The following MLPH variants were observed in gnomAD, a reference collection of about 807,000 sequenced individuals.
MLPH encodes melanophilin.
Under a neutral mutation model 72.1 loss-of-function variants are expected in MLPH, and 51 were observed. The ratio of observed to expected loss-of-function variants is 0.71; its 90% CI spans 0.56 to 0.89. MLPH has a LOEUF of 0.89. MLPH is among the 40% of genes least tolerant of loss of function. The pLI is 0.00. For missense variants in MLPH, 743 were observed against 759.9 expected (o/e 0.98, Z 0.26); for synonymous variants, 301 against 310.1 (o/e 0.97, Z 0.31).
chr2:237,492,459 C>T (rs1178835251), intron 1 of MLPH, among the ~76,000 whole-genome samples: 3 of 137,844 alleles, frequency 2.2e-5, no homozygotes, highest in African/African-American at 8.5e-5. Context: ...GAGAACTCGT[C>T]TCTAAAAAAA....
At position 237,527,528 on chromosome 2, in the gene MLPH, T is replaced by A. The variant is rs1197828275; in HGVS notation, c.1020+12T>A. 1 of 1,614,110 alleles carries A rather than the reference T, an allele frequency of 6.2e-7. No homozygotes were observed. Among genetic ancestry groups the A allele is most frequent in the Non-Finnish European group, 8.5e-7 (1 of 1,180,028 alleles). ...CTTCTGAGAGTCAGGTAACGGTGGCTGGAAAGACTTCTGTCTTGTCGTTTC... is the reference window on the plus strand; with the variant it reads ...CTTCTGAGAGTCAGGTAACGGTGGCAGGAAAGACTTCTGTCTTGTCGTTTC... On this transcript the variant is annotated intron_variant, in intron 8 of 15. Coordinates refer to ENST00000264605, the MANE Select transcript of MLPH (RefSeq NM_024101.7).
intron 5 of MLPH, among the ~76,000 whole-genome samples, chr2:237,519,543 G>T (rs10184904): frequency 4.6e-5 from 7 of 152,068 alleles, no homozygotes; most frequent in East Asian, 1.9e-4. Context: ...ATCGTGCCCC[G>T]GCTATCCGAA....
At chr2:237,514,843 T>C (rs1047223601) in intron 4 of MLPH, among the ~76,000 whole-genome samples, 1 of 152,176 alleles carries the variant, frequency 6.6e-6, no homozygotes, top group African/African-American at 2.4e-5. Context: ...ACTGAGGCCC[T>C]CTGAGCCCAG....
At chr2:237,550,020 G>A (rs1427782317) in intron 14 of MLPH, among the ~76,000 whole-genome samples, 1 of 152,216 alleles carries the variant, frequency 6.6e-6, no homozygotes, top group Non-Finnish European at 1.5e-5. Context: ...TTGGCCATTT[G>A]TCACACACTG....
In MLPH at chr2:237,540,870, G is replaced by A. The variant is rs1171537328; in HGVS notation, c.1359G>A (p.Gln453=). 2.5e-6 allele frequency: 4 copies of A among 1,613,252 alleles called. No individual in the cohort carries two copies. The highest frequency in any genetic ancestry group is 3.4e-6 in the Non-Finnish European group (4 of 1,179,956). ...CCCAGGACCCTGGGGACCCCGTCCA[G>A]TACAACAGGACCACAGATGAGGAGC... is the stretch of plus-strand genomic sequence containing the variant. ...KSPQDPGDPV[Q]YNRTTDEELS... Residue 453 remains glutamine (Q), a synonymous_variant, in exon 11 of 16, where the codon CAG becomes CAA. Coordinates refer to ENST00000264605, the MANE Select transcript of MLPH (RefSeq NM_024101.7).
chr2:237,489,953 G>A (rs145535242), intron 1 of MLPH, among the ~76,000 whole-genome samples: 41 of 152,226 alleles, frequency 2.7e-4, no homozygotes, highest in East Asian at 1.4e-3. Flanking sequence ...CCTGTGTCCC[G>A]TCCCTCTGCC....
At chr2:237,515,063 T>C (rs1391509393) in intron 4 of MLPH, among the ~76,000 whole-genome samples, 2 of 152,218 alleles carry the variant, frequency 1.3e-5, no homozygotes, top group African/African-American at 4.8e-5. Context: ...GTATTATAAA[T>C]GGAAAACTGT....
intron 1 of MLPH, among the ~76,000 whole-genome samples, chr2:237,488,544 G>A (rs73098861): frequency 0.042 from 6,411 of 152,252 alleles, 450 homozygotes; most frequent in African/African-American, 0.15. Context: ...CCAGGACCGT[G>A]CTCCTTAGTA....
chr2:237,499,888 G>A (rs1206120535), intron 2 of MLPH, among the ~76,000 whole-genome samples: 1 of 152,000 alleles, frequency 6.6e-6, no homozygotes, highest in Non-Finnish European at 1.5e-5. Context: ...GAGACTACAG[G>A]CATGCATCAC....
At position 237,515,505 on chromosome 2, in the gene MLPH, A is replaced by G. The variant is rs537446339; in HGVS notation, c.446-3034A>G. Among the ~76,000 whole-genome samples, 7 of 152,296 alleles carry G rather than the reference A, an allele frequency of 4.6e-5. No individual in the cohort carries two copies. In the South Asian group the frequency reaches 1.5e-3, roughly 32 times the overall value. On this transcript the variant is annotated intron_variant, in intron 4 of 15. Transcript: ENST00000264605. ...CCCGAGAGATGAGGATAGGATCCCCACGGGGATCACAGGTGGGCCAGTCAG... is the reference window on the plus strand; with the variant it reads ...CCCGAGAGATGAGGATAGGATCCCCGCGGGGATCACAGGTGGGCCAGTCAG...
intron 6 of MLPH, among the ~76,000 whole-genome samples, chr2:237,521,017 G>A (rs867588725): frequency 5.3e-5 from 8 of 152,196 alleles, no homozygotes; most frequent in African/African-American, 1.9e-4. Flanking sequence ...TTTACACCTA[G>A]GGCTGCGAGC....
In MLPH at chr2:237,505,062, C is replaced by G. The variant is rs1161330723; in HGVS notation, c.111-5512C>G. 6.6e-6 allele frequency among the ~76,000 whole-genome samples: 1 copy of G among 152,162 alleles called. No individual in the cohort carries two copies. Among genetic ancestry groups the G allele is most frequent in the Non-Finnish European group, 1.5e-5 (1 of 68,024 alleles). ...CTCCCCACAACCCCACCTCTGCTCC[C>G]CAACCCATGCTTTTGGCCAGGCCAG... On this transcript the variant is annotated intron_variant, in intron 2 of 15. Coordinates refer to ENST00000264605, the MANE Select transcript of MLPH (RefSeq NM_024101.7). The surrounding 1 kb of genome is among the most constrained non-coding windows in gnomAD (Gnocchi z 4.5).
chr2:237,547,771 T>G (rs1228744961), intron 13 of MLPH, among the ~76,000 whole-genome samples: 42 of 96,494 alleles, frequency 4.4e-4, no homozygotes, highest in Admixed American at 6.3e-4. Flanking sequence ...TGGGAGGGAG[T>G]TGCTCCCCGT....
chr2:237,527,034 T>C (rs1406135088), intron 7 of MLPH, among the ~76,000 whole-genome samples: 1 of 152,214 alleles, frequency 6.6e-6, no homozygotes, highest in Non-Finnish European at 1.5e-5. Flanking sequence ...AAACCTAAAA[T>C]GTGGCTTGAA....
chr2:237,526,261 G>C (rs1257873370), intron 7 of MLPH, among the ~76,000 whole-genome samples: 7 of 152,118 alleles, frequency 4.6e-5, no homozygotes, highest in Non-Finnish European at 5.9e-5. Context: ...GTTTTGCTTT[G>C]AAATGAAATC....
In MLPH at chr2:237,540,927, G is replaced by A. The variant is rs139181999; in HGVS notation, c.1416G>A (p.Thr472=). 490 of 1,609,460 alleles carry A rather than the reference G, an allele frequency of 3.0e-4. 1 individual carries two copies. In the Middle Eastern group the frequency reaches 4.9e-3, roughly 16 times the overall value. Residue 472 remains threonine (T), a synonymous_variant, in exon 11 of 16, where the codon ACG becomes ACA. Transcript: ENST00000264605. ...LSELEDRVAV[T]ASEVQQAESE... Reference sequence around the variant, plus strand: ...AGCTGGAGGACAGAGTGGCAGTGACGGCCTCAGAAGTCCAGCAGGCAGAGA... The same window carrying A: ...AGCTGGAGGACAGAGTGGCAGTGACAGCCTCAGAAGTCCAGCAGGCAGAGA...
chr2:237,527,485 A>T lies in MLPH; in HGVS notation c.989A>T (p.Lys330Met). 6.2e-7 allele frequency: 1 copy of T among 1,614,202 alleles called. No homozygotes were observed. Among genetic ancestry groups the T allele is most frequent in the South Asian group, 1.1e-5 (1 of 91,078 alleles). ...RAHVMASHHS[K>M]RRGRASSESQ... ...CACGTGATGGCCTCCCACCATTCCA[A>T]GCGGAGAGGCCGGGCGTCTTCTGAG... The change falls in exon 8 of 16, where the codon AAG (lysine) becomes ATG (methionine). Residue 330 changes from lysine to methionine, a missense_variant. Lys to Met is a moderately conservative substitution (Grantham distance 95). Coordinates refer to ENST00000264605, the MANE Select transcript of MLPH (RefSeq NM_024101.7).
At chr2:237,538,843 C>T (rs1165904462) in intron 9 of MLPH, among the ~76,000 whole-genome samples, 1 of 152,222 alleles carries the variant, frequency 6.6e-6, no homozygotes, top group Non-Finnish European at 1.5e-5. Context: ...AAAAATAAAT[C>T]AAGGCAGAAG....
intron 1 of MLPH, 87 bp from the exon 2 acceptor site, chr2:237,493,316 A>C (rs1198396132): frequency 4.7e-6 from 4 of 850,980 alleles, no homozygotes; most frequent in Non-Finnish European, 8.2e-6. Context: ...AGAAGTCAGC[A>C]GCGTTCTGTG....
Sources: allele counts gnomAD v4.1 joint callset (sites outside exome capture counted in the v4.1 genomes callset), GRCh38; gene constraint gnomAD v4.1.1; non-coding constraint Gnocchi (gnomAD v3.1); transcripts MANE v1.5; gene names NCBI Gene and HGNC (gene_info 2026-07-23, HGNC 2026-07-21).